Variants in FLNB observed in about 807,000 individuals in gnomAD.
The protein encoded by FLNB is filamin B.
Under a neutral mutation model 250.6 loss-of-function variants are expected in FLNB, and 111 were observed. That is an observed-to-expected ratio of 0.44 (90% confidence interval 0.38 to 0.52). FLNB has a LOEUF of 0.52. Ranked by LOEUF, FLNB falls within the 20% of genes least tolerant of loss-of-function variation. FLNB has a pLI of 0.00. For synonymous variants in FLNB, 1,302 were observed against 1,372.1 expected, an observed-to-expected ratio of 0.95 and a Z score of 1.13; for missense variants, 2,869 against 3,447.8, an observed-to-expected ratio of 0.83 and a Z score of 4.20.
intron 43 of FLNB, among the ~76,000 whole-genome samples, chr3:58,167,166 C>A (rs910971722): frequency 6.6e-6 from 1 of 152,154 alleles, no homozygotes; most frequent in Non-Finnish European, 1.5e-5. Context: ...TTATCATCAC[C>A]TTACAGCTGC....
At chr3:58,112,657 A>G (rs2097270925) in intron 18 of FLNB, among the ~76,000 whole-genome samples, 2 of 152,224 alleles carry the variant, frequency 1.3e-5, no homozygotes, top group African/African-American at 4.8e-5. Flanking sequence ...GTGCACACAC[A>G]CACACATACA....
At chr3:58,011,928 G>T (rs1315854044) in intron 1 of FLNB, among the ~76,000 whole-genome samples, 1 of 152,174 alleles carries the variant, frequency 6.6e-6, no homozygotes, top group Non-Finnish European at 1.5e-5. Flanking sequence ...AGTAATGCCA[G>T]GGCTGGATGC....
At chr3:58,113,091 C>A (rs757289677) in intron 18 of FLNB, among the ~76,000 whole-genome samples, 11 of 152,196 alleles carry the variant, frequency 7.2e-5, no homozygotes, top group African/African-American at 1.2e-4. Flanking sequence ...GTGTATAGTT[C>A]ATTAGTGTTA....
At chr3:58,166,890 C>T (rs1177772364) in intron 43 of FLNB, among the ~76,000 whole-genome samples, 4 of 151,464 alleles carry the variant, frequency 2.6e-5, no homozygotes, top group African/African-American at 9.7e-5. Flanking sequence ...CTTTGGGAGA[C>T]CAAGGTGGGC....
chr3:58,170,398 G>T, intron 45 of FLNB, 177 bp from the exon 46 acceptor site: 1 of 634,350 alleles, frequency 1.6e-6, no homozygotes. Flanking sequence ...GCAGGGCAGG[G>T]ATTCGAACCC....
intron 25 of FLNB, chr3:58,131,953 C>T (rs1238184506): frequency 6.1e-5 from 93 of 1,537,118 alleles, no homozygotes; most frequent in Non-Finnish European, 7.2e-5. Flanking sequence ...CCAGTCATGG[C>T]GCAGCCCCTT....
At position 58,078,728 on chromosome 3, in the gene FLNB, G is replaced by C. The variant is rs1284111012; in HGVS notation, c.553G>C (p.Asp185His). The change falls in exon 3 of 46, where the codon GAC (aspartate) becomes CAC (histidine). Residue 185 changes from aspartate (D) to histidine (H), a missense_variant. Asp to His is a moderately conservative substitution (Grantham distance 81). This residue lies in a region of FLNB where 308 missense variants were observed against 466.1 expected (regional missense o/e 0.66). Transcript: ENST00000295956. ...VDSCAPGLCP[D>H]WESWDPQKPV... ...TGTTCTGTTAACAGGTCTGTGCCCA[G>C]ACTGGGAATCCTGGGACCCGCAGAA... 2 of 1,613,748 alleles carry C rather than the reference G, an allele frequency of 1.2e-6. No individual in the cohort carries two copies. The highest frequency in any genetic ancestry group is 1.7e-5 in the Admixed American group (1 of 60,006).
chr3:58,126,822 G>T, intron 24 of FLNB, 60 bp downstream of exon 24: 2 of 1,520,972 alleles, frequency 1.3e-6, no homozygotes, highest in Non-Finnish European at 1.8e-6. Flanking sequence ...AAATGGGTTT[G>T]ATTTTGGTTA....
At chr3:58,015,621 A>G (rs1355801977) in intron 1 of FLNB, among the ~76,000 whole-genome samples, 1 of 152,160 alleles carries the variant, frequency 6.6e-6, no homozygotes, top group African/African-American at 2.4e-5. Context: ...CATGCAGAGG[A>G]GAGCTGCTCA....
chr3:58,163,442 CTG>C (rs1281293666), intron 43 of FLNB, 112 bp downstream of exon 43: 103 of 1,156,568 alleles, frequency 8.9e-5, no homozygotes, highest in Non-Finnish European at 8.0e-5. Flanking sequence ...CCCGTGGAAA[CTG>C]GGGTCATGCA....
At chr3:58,084,424 G>T (rs764303677) in intron 4 of FLNB, among the ~76,000 whole-genome samples, 6 of 151,946 alleles carry the variant, frequency 3.9e-5, no homozygotes, top group Non-Finnish European at 7.4e-5. Context: ...AATGTGAGAC[G>T]GTTTCCTTTC....
At chr3:58,020,894 T>C (rs2097113031) in intron 1 of FLNB, among the ~76,000 whole-genome samples, 1 of 151,960 alleles carries the variant, frequency 6.6e-6, no homozygotes, top group Non-Finnish European at 1.5e-5. Context: ...GCAGTCAGCT[T>C]TCCTTCAACA....
rs905263869 is a variant in FLNB at position 58,111,736 on chromosome 3, G to C, written c.2485-55G>C. On this transcript the variant is annotated intron_variant, in intron 16 of 45. Transcript: ENST00000295956. ...GTTCACCCTTTGTTGAAGGCTCCCT[G>C]AGCTCTGGCTGTTGCTTCAGGGGCT... is the stretch of plus-strand genomic sequence containing the variant. 4 of 1,348,794 alleles carry C rather than the reference G, an allele frequency of 3.0e-6. No homozygotes were observed. In the African/African-American group the frequency reaches 5.7e-5, roughly 19 times the overall value. 83.6% of individuals were successfully genotyped at this position (1,348,794 alleles called of 1,614,324 possible).
chr3:58,136,749 T>TC (rs2097316812), intron 28 of FLNB, among the ~76,000 whole-genome samples: 1 of 132,352 alleles, frequency 7.6e-6, no homozygotes, highest in Non-Finnish European at 1.6e-5. Flanking sequence ...GGCCATTCTT[T>TC]TTTTTTTTTT....
intron 34 of FLNB, among the ~76,000 whole-genome samples, chr3:58,147,764 G>A (rs1038471513): frequency 3.3e-5 from 5 of 152,090 alleles, no homozygotes; most frequent in Admixed American, 1.3e-4. Flanking sequence ...GGGTTCAAGC[G>A]ATTCTCCTGC....
At position 58,008,426 on chromosome 3, in the gene FLNB, C is replaced by G. The variant is rs1576575967; in HGVS notation, c.-139C>G. The G allele has an allele frequency of 7.8e-6, 8 of 1,030,358 alleles. No individual in the cohort carries two copies. In the East Asian group the frequency reaches 1.8e-4, roughly 24 times the overall value. 63.8% of individuals were successfully genotyped at this position (1,030,358 alleles called of 1,614,324 possible). ...CGGCCAGGGGCGGGCGGCCGCAGAG[C>G]AGCACCGGCCGTGGCTCCGGTAGCA... On this transcript the variant is annotated 5_prime_UTR_variant, in exon 1 of 46. Coordinates refer to ENST00000295956, the MANE Select transcript of FLNB (RefSeq NM_001457.4).
intron 1 of FLNB, among the ~76,000 whole-genome samples, chr3:58,021,281 C>G (rs2097113685): frequency 6.6e-6 from 1 of 152,274 alleles, no homozygotes. Context: ...ACCTGAGGTG[C>G]AAGGTCTTTG....
At chr3:58,099,658 T>G (rs1239001601) in intron 8 of FLNB, among the ~76,000 whole-genome samples, 1 of 152,184 alleles carries the variant, frequency 6.6e-6, no homozygotes, top group Non-Finnish European at 1.5e-5. Flanking sequence ...CTCTTCCGAA[T>G]CCTACCTCTG....
chr3:58,092,147 T>C (rs2097228921), intron 4 of FLNB, among the ~76,000 whole-genome samples: 1 of 152,160 alleles, frequency 6.6e-6, no homozygotes, highest in Admixed American at 6.5e-5. Context: ...ACATCGAAAT[T>C]TGTTCAGTAT....
Sources: allele counts gnomAD v4.1 joint callset (sites outside exome capture counted in the v4.1 genomes callset), GRCh38; gene constraint gnomAD v4.1.1; regional missense constraint gnomAD v4.1.1; transcripts MANE v1.5; gene names NCBI Gene and HGNC (gene_info 2026-07-23, HGNC 2026-07-21).